Variants in TP63 observed in about 807,000 individuals in gnomAD.
TP63 encodes the protein tumor protein p63.
Under a neutral mutation model 82.8 loss-of-function variants are expected in TP63, and 17 were observed. The observed-to-expected ratio is 0.21, with a 90% CI of 0.14 to 0.31. The LOEUF (loss-of-function observed/expected upper bound fraction) is 0.31, where lower values mean the gene tolerates loss of function less well. Among genes scored for constraint, TP63 ranks in the 10% least tolerant of loss-of-function variants. The probability of loss-of-function intolerance (pLI) is 1.00; values close to 1 mark genes in which losing one functional copy is unlikely to be tolerated. For synonymous variants in TP63, 330 were observed against 321.7 expected (o/e 1.03, Z -0.28); for missense variants, 648 against 895.3 (o/e 0.72, Z 3.52).
chr3:189,872,077 A>C (rs1365547681), intron 9 of TP63, among the ~76,000 whole-genome samples: 2 of 152,190 alleles, frequency 1.3e-5, no homozygotes, highest in Non-Finnish European at 2.9e-5. Context: ...TTAAAGAGAG[A>C]AACATATTTT....
chr3:189,675,282 A>G (rs1330833710), intron 1 of TP63, among the ~76,000 whole-genome samples: 2 of 152,086 alleles, frequency 1.3e-5, no homozygotes, highest in African/African-American at 4.8e-5. Flanking sequence ...GGATTTCAAC[A>G]TGGAATTTGA....
the TP63 span, among the ~76,000 whole-genome samples, chr3:189,623,373 A>G: frequency 6.6e-6 from 1 of 152,338 alleles, no homozygotes; most frequent in African/African-American, 2.4e-5. Flanking sequence ...CTTCATGAAT[A>G]CTGTAAACAT....
chr3:189,740,573 C>T (rs2108506172), intron 3 of TP63, among the ~76,000 whole-genome samples: 1 of 151,566 alleles, frequency 6.6e-6, no homozygotes, highest in Middle Eastern at 3.4e-3. Flanking sequence ...AATCTAGGCT[C>T]ACTGCAACCT....
rs78718141 is a variant in TP63 at position 189,689,849 on chromosome 3, C to G, written c.63-47891C>G. Among the ~76,000 whole-genome samples the G allele has an allele frequency of 7.2e-4, 109 of 152,246 alleles. 1 individual carries two copies. The highest frequency in any genetic ancestry group is 5.6e-3 in the Admixed American group (86 of 15,290). The stretch of plus-strand genomic sequence containing the variant: ...ATACTGAATGGTCCACTTGAAATAT[C>G]ATTAGTCACTTTATAGGACAGGTAA... On this transcript the variant is annotated intron_variant, in intron 1 of 13. Transcript: ENST00000264731.
intron 3 of TP63, among the ~76,000 whole-genome samples, chr3:189,764,051 C>T (rs532688368): frequency 6.6e-6 from 1 of 152,270 alleles, no homozygotes; most frequent in South Asian, 2.1e-4. Flanking sequence ...TGGGGATGTG[C>T]AGGTCCCTGT....
At chr3:189,880,496 C>A in intron 10 of TP63, 1 of 1,017,694 alleles carries the variant, frequency 9.8e-7, no homozygotes, top group Non-Finnish European at 1.2e-6. Flanking sequence ...GGGAAAGGGG[C>A]ATTAAGATGT....
At chr3:189,639,778 GT>G (rs1711652167) in intron 1 of TP63, among the ~76,000 whole-genome samples, 1 of 152,098 alleles carries the variant, frequency 6.6e-6, no homozygotes, top group South Asian at 2.1e-4. Context: ...GCTAGAAAAG[GT>G]GTTTAATCTT....
intron 1 of TP63, among the ~76,000 whole-genome samples, chr3:189,640,736 CTTCTT>C (rs1711778890): frequency 6.6e-6 from 1 of 152,138 alleles, no homozygotes; most frequent in African/African-American, 2.4e-5. Flanking sequence ...TTTGACCTCC[CTTCTT>C]TTCTTTTGCT....
chr3:189,711,439 G>A (rs536164510), intron 1 of TP63, among the ~76,000 whole-genome samples: 4 of 152,280 alleles, frequency 2.6e-5, no homozygotes, highest in South Asian at 2.1e-4. Context: ...CATAGTACCC[G>A]TGTGAGGTGA....
At chr3:189,679,098 G>A (rs1187505321) in intron 1 of TP63, among the ~76,000 whole-genome samples, 1 of 151,914 alleles carries the variant, frequency 6.6e-6, no homozygotes, top group Non-Finnish European at 1.5e-5. Context: ...AGTGAACATG[G>A]GGGTGCAGAT....
chr3:189,846,210 GA>G (rs1005776723), intron 4 of TP63, among the ~76,000 whole-genome samples: 25 of 151,906 alleles, frequency 1.6e-4, no homozygotes, highest in African/African-American at 4.3e-4. Flanking sequence ...TGTTTTATTT[GA>G]ACATGATATT....
intron 3 of TP63, among the ~76,000 whole-genome samples, chr3:189,767,853 T>C (rs929668099): frequency 2.0e-5 from 3 of 152,140 alleles, no homozygotes; most frequent in Admixed American, 6.5e-5. Context: ...CCCTGGATTG[T>C]AGTCATGAAT....
chr3:189,773,645 T>C (rs1723540685), intron 3 of TP63, among the ~76,000 whole-genome samples: 1 of 152,194 alleles, frequency 6.6e-6, no homozygotes, highest in Admixed American at 6.5e-5. Flanking sequence ...ACTAGAATAA[T>C]TTTCTAGTCA....
At chr3:189,619,223 A>G in the TP63 span, among the ~76,000 whole-genome samples, 1 of 151,662 alleles carries the variant, frequency 6.6e-6, no homozygotes, top group Non-Finnish European at 1.5e-5. Context: ...GGCAGCCCAA[A>G]AAGGAAGTAA....
At chr3:189,617,398 G>C in the TP63 span, among the ~76,000 whole-genome samples, 1 of 152,138 alleles carries the variant, frequency 6.6e-6, no homozygotes, top group Non-Finnish European at 1.5e-5. Context: ...TTTATCATGA[G>C]AATAAACAAA....
At chr3:189,885,271 C>A (rs947792825) in intron 10 of TP63, among the ~76,000 whole-genome samples, 10 of 152,190 alleles carry the variant, frequency 6.6e-5, no homozygotes, top group African/African-American at 2.4e-4. Context: ...TCTTCCTCAT[C>A]TTCTCTTTTT....
chr3:189,894,580 C>G lies in TP63; in HGVS notation c.*78C>G. The G allele has an allele frequency of 6.5e-7, 1 of 1,544,654 alleles. No individual in the cohort carries two copies. Among genetic ancestry groups the G allele is most frequent in the Admixed American group, 1.8e-5 (1 of 56,050 alleles). On this transcript the variant is annotated 3_prime_UTR_variant, in exon 14 of 14. Transcript: ENST00000264731. ...AGCACTCCTGCTTAATCTTCAAAGC[C>G]TTCTCCCTAGCTCCTCCCCTTCCTC...
chr3:189,662,187 C>T (rs1189791741), intron 1 of TP63, among the ~76,000 whole-genome samples: 2 of 151,848 alleles, frequency 1.3e-5, no homozygotes, highest in South Asian at 2.1e-4. Context: ...TCTAACTTTT[C>T]GAGGTAAGTG....
chr3:189,856,214 C>G (rs1716273792), intron 4 of TP63, among the ~76,000 whole-genome samples: 1 of 150,762 alleles, frequency 6.6e-6, no homozygotes, highest in Admixed American at 6.6e-5. Context: ...TAAGTTTGAG[C>G]TAGAAATGGA....
Sources: allele counts gnomAD v4.1 joint callset (sites outside exome capture counted in the v4.1 genomes callset), GRCh38; gene constraint gnomAD v4.1.1; transcripts MANE v1.5; gene names NCBI Gene and HGNC (gene_info 2026-07-23, HGNC 2026-07-21).